WWOX: variants seen among roughly 807,000 people sequenced by gnomAD.
The protein encoded by WWOX is WW domain containing oxidoreductase, also known as WW domain-containing oxidoreductase.
In WWOX, 69 loss-of-function variants were observed where a neutral mutation model predicts 46.2. The ratio of observed to expected loss-of-function variants is 1.49; its 90% CI spans 1.23 to 1.82. The LOEUF is 1.82. WWOX is among the 40% of genes most tolerant of loss of function. WWOX has a pLI of 0.00. For missense variants in WWOX, 919 were observed against 542.6 expected (o/e 1.69, Z -6.89); for synonymous variants, 359 against 202.6 (o/e 1.77, Z -6.56).
chr16:79,173,014 C>A (rs2050731551), intron 8 of WWOX, among the ~76,000 whole-genome samples: 1 of 152,142 alleles, frequency 6.6e-6, no homozygotes, highest in Non-Finnish European at 1.5e-5. Flanking sequence ...GAGCAAGACC[C>A]CATCTCTAAA....
chr16:78,147,747 A>T (rs2151716191), intron 4 of WWOX, among the ~76,000 whole-genome samples: 1 of 141,968 alleles, frequency 7.0e-6, no homozygotes, highest in East Asian at 2.0e-4. Flanking sequence ...GTCCACATGG[A>T]CAGTGCAGGA....
chr16:78,824,718 G>A (rs1035454134), intron 8 of WWOX, among the ~76,000 whole-genome samples: 3 of 152,086 alleles, frequency 2.0e-5, no homozygotes, highest in Admixed American at 6.5e-5. Context: ...TCACTATCAC[G>A]AGGATAGCGC....
At chr16:78,664,409 G>A (rs1417986431) in intron 8 of WWOX, among the ~76,000 whole-genome samples, 2 of 152,172 alleles carry the variant, frequency 1.3e-5, no homozygotes, top group Non-Finnish European at 2.9e-5. Flanking sequence ...AGAAAAAGCA[G>A]TCACAGCTCC....
At chr16:78,689,470 C>G (rs1307605560) in intron 8 of WWOX, among the ~76,000 whole-genome samples, 1 of 152,230 alleles carries the variant, frequency 6.6e-6, no homozygotes, top group African/African-American at 2.4e-5. Flanking sequence ...TCAGAGCCCA[C>G]TTCTCAACTA....
intron 8 of WWOX, among the ~76,000 whole-genome samples, chr16:79,092,061 G>C (rs1295896941): frequency 1.3e-5 from 2 of 152,052 alleles, no homozygotes; most frequent in Admixed American, 1.3e-4. Context: ...GATTACAGGT[G>C]TGAGCCACCG....
chr16:78,661,480 AGTT>A (rs766531204), intron 8 of WWOX, among the ~76,000 whole-genome samples: 1 of 152,156 alleles, frequency 6.6e-6, no homozygotes, highest in Non-Finnish European at 1.5e-5. Flanking sequence ...GGGATTGAAC[AGTT>A]ATTTGTCTGG....
intron 5 of WWOX, among the ~76,000 whole-genome samples, chr16:78,373,919 C>G (rs1431698960): frequency 6.6e-6 from 1 of 151,122 alleles, no homozygotes; most frequent in African/African-American, 2.4e-5. Context: ...TCCCAAGTAG[C>G]TGCATTAAAT....
chr16:78,692,369 C>T (rs781443405), intron 8 of WWOX, among the ~76,000 whole-genome samples: 2 of 152,202 alleles, frequency 1.3e-5, no homozygotes, highest in East Asian at 3.8e-4. Flanking sequence ...GTTCCCAAAG[C>T]TTCAGTCCTT....
At chr16:78,518,571 T>C (rs1181292354) in intron 8 of WWOX, among the ~76,000 whole-genome samples, 1 of 152,214 alleles carries the variant, frequency 6.6e-6, no homozygotes, top group African/African-American at 2.4e-5. Flanking sequence ...AGGAGTACTT[T>C]TGTCCATTTC....
rs1232899835 is a variant in WWOX, at chr16:78,109,777, G to T, written c.173-1G>T. On this transcript the variant is annotated splice_acceptor_variant, in intron 2 of 8. Transcript: ENST00000566780. LOFTEE classifies it high-confidence loss of function. ...GTAGACCTGTCTTTCTTGTGTTTCA[G>T]ATTTGCCATACGGATGGGAACAAGA... 6 of 1,614,000 alleles carry T rather than the reference G, an allele frequency of 3.7e-6. No homozygotes were observed. The highest frequency in any genetic ancestry group is 5.1e-6 in the Non-Finnish European group (6 of 1,180,024).
At chr16:78,759,851 T>G (rs1391867127) in intron 8 of WWOX, among the ~76,000 whole-genome samples, 1 of 151,608 alleles carries the variant, frequency 6.6e-6, no homozygotes, top group Non-Finnish European at 1.5e-5. Context: ...TAGGGGAGAG[T>G]CCATTCCTTT....
At chr16:78,892,133 T>C (rs926858123) in intron 8 of WWOX, 22 of 152,134 alleles carry the variant, frequency 1.4e-4, no homozygotes, top group African/African-American at 5.1e-4. Context: ...ATGTTTTCTG[T>C]TTCATACTAA....
intron 8 of WWOX, among the ~76,000 whole-genome samples, chr16:78,847,061 G>T (rs1482578112): frequency 3.3e-5 from 5 of 152,174 alleles, no homozygotes; most frequent in African/African-American, 1.2e-4. Flanking sequence ...TCTTTTTTGA[G>T]CACTTTCTTA....
At chr16:78,494,358 C>G (rs1217465529) in intron 8 of WWOX, among the ~76,000 whole-genome samples, 1 of 152,140 alleles carries the variant, frequency 6.6e-6, no homozygotes, top group Non-Finnish European at 1.5e-5. Flanking sequence ...GGTGGGGACA[C>G]AGAGCCAAAC....
At chr16:78,115,294 C>A in intron 4 of WWOX, 140 bp downstream of exon 4, 1 of 1,028,296 alleles carries the variant, frequency 9.7e-7, no homozygotes, top group Non-Finnish European at 1.5e-6. Context: ...TCATTAACAT[C>A]ACTACCTCTT....
At chr16:79,006,047 G>A (rs547116329) in intron 8 of WWOX, among the ~76,000 whole-genome samples, 33 of 152,274 alleles carry the variant, frequency 2.2e-4, no homozygotes, top group African/African-American at 7.5e-4. Context: ...GGTGCTCAGC[G>A]CTGAGTGAAC....
intron 5 of WWOX, among the ~76,000 whole-genome samples, chr16:78,218,890 G>C (rs899062782): frequency 5.3e-5 from 8 of 152,246 alleles, no homozygotes; most frequent in Non-Finnish European, 8.8e-5. Flanking sequence ...TAAAGATACA[G>C]ATGTCTGGCC....
At chr16:78,506,695 G>GTTTTTTTTTTTTTTTTTTTTTTT (rs1159884484) in intron 8 of WWOX, 1 of 8,638 alleles carries the variant, frequency 1.2e-4, no homozygotes. Context: ...CTTTTTGTGT[G>GTTTTTTTTTTTTTTTTTTTTTTT]TTTTTTTTTT....
At chr16:78,373,466 A>G (rs891216792) in intron 5 of WWOX, among the ~76,000 whole-genome samples, 3 of 152,326 alleles carry the variant, frequency 2.0e-5, no homozygotes, top group South Asian at 4.1e-4. Flanking sequence ...TCTTCTGCTC[A>G]GTGACCATTA....
Sources: allele counts gnomAD v4.1 joint callset (sites outside exome capture counted in the v4.1 genomes callset), GRCh38; gene constraint gnomAD v4.1.1; transcripts MANE v1.5; gene names NCBI Gene and HGNC (gene_info 2026-07-23, HGNC 2026-07-21).